The following SEC63 variants were observed in gnomAD, a reference collection of about 807,000 sequenced individuals.
SEC63 encodes the protein translocation protein SEC63 homolog.
SEC63 carries 56 observed loss-of-function variants against 116.2 expected under a neutral mutation model. The observed-to-expected ratio is 0.48, with a 90% CI of 0.39 to 0.60. The LOEUF (loss-of-function observed/expected upper bound fraction) is 0.60. SEC63 is among the 20% of genes least tolerant of loss of function. The pLI is 0.00. For synonymous variants in SEC63, 273 were observed against 294.6 expected, an observed-to-expected ratio of 0.93 and a Z score of 0.75; for missense variants, 668 against 900.0, an observed-to-expected ratio of 0.74 and a Z score of 3.30.
At chr6:107,925,551 A>G (rs932843645) in intron 2 of SEC63, among the ~76,000 whole-genome samples, 1 of 152,230 alleles carries the variant, frequency 6.6e-6, no homozygotes, top group African/African-American at 2.4e-5. Context: ...AGAACATATC[A>G]TTTGAAAATA....
intron 11 of SEC63, among the ~76,000 whole-genome samples, chr6:107,903,595 C>T (rs1490238390): frequency 6.6e-6 from 1 of 152,144 alleles, no homozygotes; most frequent in Admixed American, 6.5e-5. Flanking sequence ...GTTCCAGCTA[C>T]TCGGAGAGCT....
At position 107,872,794 on chromosome 6, in the gene SEC63, G is replaced by C; in HGVS notation, c.2139+14C>G. The C allele has an allele frequency of 7.3e-7, 1 of 1,371,778 alleles. No individual in the cohort carries two copies. The highest frequency in any genetic ancestry group is 1.0e-6 in the Non-Finnish European group (1 of 971,560). 85.0% of individuals were successfully genotyped at this position (1,371,778 alleles called of 1,614,324 possible). ...ACAGAAAACTCTTATTTATTGAAGA[G>C]TCACTATTCTTACCTTCAATGGTTT... On this transcript the variant is annotated intron_variant, in intron 20 of 20. Transcript: ENST00000369002.
intron 3 of SEC63, among the ~76,000 whole-genome samples, chr6:107,924,499 G>C (rs1398377631): frequency 6.6e-6 from 1 of 151,980 alleles, no homozygotes; most frequent in African/African-American, 2.4e-5. Flanking sequence ...CCAGGAGGCG[G>C]AGCTTGCAGT....
Position 107,901,529 on chromosome 6 carries a change from A to G in SEC63, c.1210-12T>C. The G allele has an allele frequency of 6.6e-7, 1 of 1,524,760 alleles. No individual in the cohort carries two copies. Among genetic ancestry groups the G allele is most frequent in the Non-Finnish European group, 9.0e-7 (1 of 1,112,440 alleles). 94.5% of individuals were successfully genotyped at this position (1,524,760 alleles called of 1,614,324 possible). A position where few individuals can be genotyped will look rare whatever the true frequency, so the allele number is the denominator to read the frequency against. On this transcript the variant is annotated splice_polypyrimidine_tract_variant and intron_variant, in intron 12 of 20. Coordinates refer to ENST00000369002, the MANE Select transcript of SEC63 (RefSeq NM_007214.5). ...GTTTTAATTTTATACTGAATAAAAA[A>G]AAAAAAGAAAATACATAATTCCCTA...
chr6:107,889,195 A>G (rs1786612300), intron 16 of SEC63, among the ~76,000 whole-genome samples: 1 of 152,162 alleles, frequency 6.6e-6, no homozygotes, highest in Admixed American at 6.5e-5. Context: ...CTCTGGTAGA[A>G]TTTGGCCGTG....
At chr6:107,899,727 A>C (rs1786954425) in intron 13 of SEC63, among the ~76,000 whole-genome samples, 1 of 145,342 alleles carries the variant, frequency 6.9e-6, no homozygotes, top group African/African-American at 2.6e-5. Context: ...AAAAAAAAAA[A>C]GAAAAGAAAA....
intron 19 of SEC63, among the ~76,000 whole-genome samples, chr6:107,874,573 G>A (rs1386426697): frequency 7.0e-6 from 1 of 143,136 alleles, no homozygotes; most frequent in Non-Finnish European, 1.5e-5. Flanking sequence ...TCCAGCCTGG[G>A]CGACACAGTG....
At chr6:107,921,161 T>A (rs955170162) in intron 4 of SEC63, among the ~76,000 whole-genome samples, 3 of 151,846 alleles carry the variant, frequency 2.0e-5, no homozygotes, top group Non-Finnish European at 2.9e-5. Context: ...TGAGATAAGC[T>A]ACACATTGCC....
At position 107,920,166 on chromosome 6, in the gene SEC63, G is replaced by A. The variant is rs1787520429; in HGVS notation, c.452+1631C>T. On this transcript the variant is annotated intron_variant, in intron 4 of 20. Coordinates refer to ENST00000369002, the MANE Select transcript of SEC63 (RefSeq NM_007214.5). ...TGGCTGGGCACAGTGGCTCACTCCT[G>A]TAATCCCAGCACTTTGGGAGGCCGA... Among the ~76,000 whole-genome samples the A allele has an allele frequency of 5.3e-5, 8 of 152,090 alleles. No individual in the cohort carries two copies. The South Asian group carries it at 1.7e-3, about 31-fold the overall frequency.
chr6:107,889,673 A>G, intron 16 of SEC63, among the ~76,000 whole-genome samples: 1 of 151,842 alleles, frequency 6.6e-6, no homozygotes, highest in East Asian at 1.9e-4. Context: ...TTGTGATGTT[A>G]GGGTGTCGAT....
intron 10 of SEC63, among the ~76,000 whole-genome samples, chr6:107,906,105 C>G (rs146570216): frequency 1.3e-5 from 2 of 152,194 alleles, no homozygotes; most frequent in East Asian, 3.9e-4. Flanking sequence ...TGGTGCTGTT[C>G]TCGAGATACA....
intron 3 of SEC63, among the ~76,000 whole-genome samples, chr6:107,923,221 G>A (rs1240504777): frequency 6.6e-6 from 1 of 151,508 alleles, no homozygotes; most frequent in Admixed American, 6.6e-5. Context: ...ACAGCTCGCT[G>A]CAGCCTTGAC....
At chr6:107,929,305 T>A in intron 2 of SEC63, 110 bp downstream of exon 2, 1 of 662,520 alleles carries the variant, frequency 1.5e-6, no homozygotes, top group Non-Finnish European at 2.7e-6. Flanking sequence ...TACTATAGAT[T>A]ACAATTTCTT....
At chr6:107,940,180 TAA>T (rs60668770) in intron 1 of SEC63, among the ~76,000 whole-genome samples, 1 of 144,168 alleles carries the variant, frequency 6.9e-6, no homozygotes, top group African/African-American at 2.5e-5. Flanking sequence ...GTTCTTGAAC[TAA>T]AAAAAAAAAC....
At chr6:107,935,120 G>A (rs1182688770) in intron 1 of SEC63, among the ~76,000 whole-genome samples, 18 of 140,522 alleles carry the variant, frequency 1.3e-4, no homozygotes, top group Admixed American at 1.1e-3. Flanking sequence ...GAGGGAGGTG[G>A]GGGGGTCAGC....
At chr6:107,881,937 A>C (rs1786422194) in intron 17 of SEC63, among the ~76,000 whole-genome samples, 1 of 152,198 alleles carries the variant, frequency 6.6e-6, no homozygotes, top group Non-Finnish European at 1.5e-5. Flanking sequence ...GGTCATATGA[A>C]GAAATTAGTC....
Position 107,881,121 on chromosome 6 carries a change from G to A in SEC63, c.1935+28C>T, listed in dbSNP as rs764740802. 2.1e-6 allele frequency: 3 copies of A among 1,443,558 alleles called. No individual in the cohort carries two copies. In the East Asian group the frequency reaches 6.8e-5, roughly 33 times the overall value. The allele number at this position is 1,443,558 out of a possible 1,614,324, so 89.4% of individuals were successfully genotyped here. On this transcript the variant is annotated intron_variant, in intron 18 of 20. Transcript: ENST00000369002. ...CCTGAGGAGAAAGTGAATGGAATAA[G>A]GAACACAGTAGCCTGTATATAACTC...
At chr6:107,913,791 A>G (rs1201233576) in intron 4 of SEC63, among the ~76,000 whole-genome samples, 1 of 152,194 alleles carries the variant, frequency 6.6e-6, no homozygotes, top group Non-Finnish European at 1.5e-5. Flanking sequence ...ATACTCTCAT[A>G]TATTTTCCAA....
Position 107,870,762 on chromosome 6 carries a change from T to C in SEC63, c.*942A>G, listed in dbSNP as rs1392941270. The C allele has an allele frequency of 6.6e-6, 1 of 152,096 alleles. No individual in the cohort carries two copies. The highest frequency in any genetic ancestry group is 2.4e-5 in the African/African-American group (1 of 41,406). The allele number at this position is 152,096 out of a possible 1,614,324, so 9.4% of individuals were successfully genotyped here. On this transcript the variant is annotated 3_prime_UTR_variant, in exon 21 of 21. Transcript: ENST00000369002. ...TAAAAAGACACACACCATTGAAACA[T>C]AAAACGAGTCAACAAACTTCTATTT...
Sources: allele counts gnomAD v4.1 joint callset (sites outside exome capture counted in the v4.1 genomes callset), GRCh38; gene constraint gnomAD v4.1.1; transcripts MANE v1.5; gene names NCBI Gene and HGNC (gene_info 2026-07-23, HGNC 2026-07-21).